The following POLA1 variants were observed in gnomAD, a reference collection of about 807,000 sequenced individuals.
POLA1 encodes DNA polymerase alpha catalytic subunit.
In POLA1, 15 loss-of-function variants were observed where a neutral mutation model predicts 124.0. The ratio of observed to expected loss-of-function variants is 0.12; its 90% CI spans 0.08 to 0.19. The LOEUF (loss-of-function observed/expected upper bound fraction) is 0.19, where lower values mean the gene tolerates loss of function less well. POLA1 is among the 10% of genes least tolerant of loss of function. POLA1 has a pLI of 1.00. For missense variants in POLA1, 886 were observed against 1,103.4 expected (o/e 0.80, Z 2.79); for synonymous variants, 408 against 389.4 (o/e 1.05, Z -0.56).
chrX:24,922,057 A>C (rs1230657800), intron 35 of POLA1, among the ~76,000 whole-genome samples: 3 of 110,818 alleles, frequency 2.7e-5, no homozygotes, highest in Admixed American at 1.9e-4. Flanking sequence ...GAAATCCTAG[A>C]AATTACTGAA....
At chrX:24,964,776 A>G (rs1207674456) in intron 36 of POLA1, among the ~76,000 whole-genome samples, 1 of 112,286 alleles carries the variant, frequency 8.9e-6, no homozygotes, top group Non-Finnish European at 1.9e-5. Context: ...TCCTCAGCCA[A>G]GTACCTACTA....
chrX:24,771,973 A>G (rs1259446084), intron 26 of POLA1, among the ~76,000 whole-genome samples: 2 of 112,099 alleles, frequency 1.8e-5, no homozygotes, highest in African/African-American at 6.5e-5. Flanking sequence ...ATACATATGC[A>G]CACGTATAAA....
chrX:24,956,578 C>T (rs952334884), intron 36 of POLA1, among the ~76,000 whole-genome samples: 1 of 110,599 alleles, frequency 9.0e-6, no homozygotes, highest in Admixed American at 9.7e-5. Flanking sequence ...CTATATCCCC[C>T]GCCCCTTTGT....
At chrX:24,934,419 G>A (rs1350212147) in intron 36 of POLA1, among the ~76,000 whole-genome samples, 1 of 111,992 alleles carries the variant, frequency 8.9e-6, no homozygotes, top group Non-Finnish European at 1.9e-5. Context: ...GTGTGGTATG[G>A]CCTGAGTGTC....
intron 26 of POLA1, among the ~76,000 whole-genome samples, chrX:24,793,231 C>G (rs1369005927): frequency 3.4e-5 from 3 of 89,339 alleles, no homozygotes; most frequent in Non-Finnish European, 6.3e-5. Flanking sequence ...GAGCCAAGAT[C>G]GCGCCATTGC....
intron 36 of POLA1, among the ~76,000 whole-genome samples, chrX:24,962,559 T>C (rs2048179869): frequency 8.9e-6 from 1 of 111,814 alleles, no homozygotes; most frequent in African/African-American, 3.2e-5. Context: ...TGTTTAACCT[T>C]TAAAAACTAA....
At chrX:24,852,863 A>G (rs2046584485) in intron 34 of POLA1, among the ~76,000 whole-genome samples, 1 of 111,229 alleles carries the variant, frequency 9.0e-6, no homozygotes, top group Non-Finnish European at 1.9e-5. Flanking sequence ...AACCTAGATG[A>G]TTTGCCAGCC....
intron 35 of POLA1, among the ~76,000 whole-genome samples, chrX:24,909,748 A>G (rs2047419830): frequency 9.0e-6 from 1 of 111,057 alleles, no homozygotes; most frequent in Non-Finnish European, 1.9e-5. Context: ...TGAACTTTAA[A>G]GTAGTTTTTT....
chrX:24,887,793 C>CTT (rs397959883), intron 34 of POLA1, among the ~76,000 whole-genome samples: 1 of 93,177 alleles, frequency 1.1e-5, no homozygotes, highest in Non-Finnish European at 2.2e-5. Flanking sequence ...ATGTGATTTT[C>CTT]TTTTTTTTTT....
At chrX:24,836,467 A>G (rs1333253263) in intron 32 of POLA1, among the ~76,000 whole-genome samples, 2 of 112,188 alleles carry the variant, frequency 1.8e-5, no homozygotes, top group Admixed American at 9.4e-5. Flanking sequence ...ACTCGTTTAC[A>G]CTTCCTACTA....
chrX:24,819,776 G>A (rs1007352977), intron 30 of POLA1, among the ~76,000 whole-genome samples: 4 of 111,334 alleles, frequency 3.6e-5, no homozygotes, highest in Non-Finnish European at 5.7e-5. Flanking sequence ...GCATGGATTA[G>A]ATATTTGTCC....
chrX:24,906,371 G>A (rs932266448), intron 35 of POLA1, among the ~76,000 whole-genome samples: 4 of 111,929 alleles, frequency 3.6e-5, no homozygotes, highest in African/African-American at 1.3e-4. Context: ...GGATGGGGCT[G>A]GAGGCCATTA....
intron 34 of POLA1, among the ~76,000 whole-genome samples, chrX:24,871,844 AG>A (rs1265362728): frequency 6.2e-5 from 7 of 112,272 alleles, no homozygotes; most frequent in African/African-American, 1.6e-4. Context: ...CAAATATAAA[AG>A]GAGCTATTTT....
chrX:24,956,913 C>T (rs138407402), intron 36 of POLA1, among the ~76,000 whole-genome samples: 13 of 111,983 alleles, frequency 1.2e-4, no homozygotes, highest in African/African-American at 3.9e-4. Context: ...AAGCAAGTAG[C>T]AGCCATGAAC....
intron 36 of POLA1, among the ~76,000 whole-genome samples, chrX:24,932,433 G>A (rs988549214): frequency 8.9e-6 from 1 of 111,796 alleles, no homozygotes; most frequent in Admixed American, 9.5e-5. Context: ...AGAAGTGCAC[G>A]TTATTACACC....
intron 36 of POLA1, among the ~76,000 whole-genome samples, chrX:24,973,733 C>T (rs183652133): frequency 8.9e-6 from 1 of 111,799 alleles, no homozygotes; most frequent in East Asian, 2.8e-4. Context: ...GGGAGTCTTC[C>T]TGGGAGCCAC....
rs1013795835 is a variant in POLA1 at position 24,796,278 on chromosome X, A to G, written c.2965-13620A>G. ...CTTGTAGTTTTGGTTGCACATGACA[A>G]AGCAAGGTGCTCTCCTTTTTTGACC... On this transcript the variant is annotated intron_variant, in intron 26 of 36. Transcript: ENST00000379068. Among the ~76,000 whole-genome samples the G allele has an allele frequency of 5.4e-5, 6 of 111,507 alleles. No individual in the cohort carries two copies. The Admixed American group carries it at 5.7e-4, about 11-fold the overall frequency.
At chrX:24,876,691 G>C (rs930456121) in intron 34 of POLA1, among the ~76,000 whole-genome samples, 3 of 95,216 alleles carry the variant, frequency 3.2e-5, no homozygotes, top group Non-Finnish European at 6.3e-5. Context: ...CGGGGGGGGG[G>C]ATAGTGGTAG....
At chrX:24,957,534 G>A (rs1261542299) in intron 36 of POLA1, among the ~76,000 whole-genome samples, 2 of 111,509 alleles carry the variant, frequency 1.8e-5, no homozygotes, top group African/African-American at 6.5e-5. Context: ...GTTTATGGAT[G>A]AATATCCGCA....
Sources: gnomAD v4.1 joint callset for allele counts (sites outside exome capture counted in the v4.1 genomes callset) on GRCh38, gnomAD v4.1.1 for gene constraint, MANE v1.5 for transcripts, NCBI Gene and HGNC (gene_info 2026-07-23, HGNC 2026-07-21) for gene names.